The following TSGA10IP variants were observed in gnomAD, a reference collection of about 807,000 sequenced individuals.
TSGA10IP encodes testis specific 10 interacting protein, also known as testis-specific protein 10-interacting protein.
In TSGA10IP, 64 loss-of-function variants were observed where a neutral mutation model predicts 63.2. The ratio of observed to expected loss-of-function variants is 1.01; its 90% CI spans 0.83 to 1.25. TSGA10IP has a LOEUF of 1.25. TSGA10IP is among the 50% of genes most tolerant of loss of function. The probability of loss-of-function intolerance (pLI) is 0.00; values close to 1 mark genes in which losing one functional copy is unlikely to be tolerated. For missense variants in TSGA10IP, 681 were observed against 710.1 expected, an observed-to-expected ratio of 0.96 and a Z score of 0.47; for synonymous variants, 316 against 298.3, an observed-to-expected ratio of 1.06 and a Z score of -0.61.
intron 6 of TSGA10IP, 74 bp downstream of exon 6, chr11:65,959,056 G>T: frequency 6.3e-7 from 1 of 1,578,200 alleles, no homozygotes; most frequent in Non-Finnish European, 8.6e-7. Context: ...GAAGCAGGAT[G>T]CGAGTAGGTC....
At chr11:65,947,307 G>C in exon 3 of TSGA10IP, 2 of 1,612,356 alleles carry the variant, frequency 1.2e-6, no homozygotes, top group Non-Finnish European at 1.7e-6. Flanking sequence ...CATGGCTGCT[G>C]CTGGAAGACA....
chr11:65,958,057 G>A (rs898758973), intron 5 of TSGA10IP, among the ~76,000 whole-genome samples: 8 of 152,176 alleles, frequency 5.3e-5, no homozygotes, highest in Admixed American at 3.3e-4. Flanking sequence ...AGGCTCAAGC[G>A]ATCCTCCCAC....
exon 3 of TSGA10IP, chr11:65,947,376 C>T: frequency 6.2e-7 from 1 of 1,612,522 alleles, no homozygotes; most frequent in East Asian, 2.2e-5. Context: ...GTCTCCATCC[C>T]TACTGGCAAA....
At chr11:65,953,015 CT>C (rs1854965458) in intron 4 of TSGA10IP, among the ~76,000 whole-genome samples, 1 of 147,084 alleles carries the variant, frequency 6.8e-6, no homozygotes, top group African/African-American at 2.5e-5. Flanking sequence ...CCCTTCATTT[CT>C]TTTTTCTTTC....
intron 4 of TSGA10IP, among the ~76,000 whole-genome samples, chr11:65,952,221 T>C (rs1161042059): frequency 6.6e-6 from 1 of 152,212 alleles, no homozygotes; most frequent in African/African-American, 2.4e-5. Context: ...TTTTGGATAT[T>C]AACCCCTTTT....
chr11:65,951,397 G>A (rs1172902966), intron 4 of TSGA10IP, among the ~76,000 whole-genome samples: 3 of 151,886 alleles, frequency 2.0e-5, no homozygotes, highest in Admixed American at 6.6e-5. Flanking sequence ...CATTCTAACA[G>A]GCGTGAGGTG....
In TSGA10IP at chr11:65,947,340, G is replaced by A. The variant is rs1422666296; in HGVS notation, c.515G>A (p.Arg172Lys). 1.9e-6 allele frequency: 3 copies of A among 1,612,028 alleles called. No homozygotes were observed. The East Asian group carries it at 6.7e-5, about 36-fold the overall frequency. The stretch of plus-strand genomic sequence containing the variant: ...ACAGAGGCGCAAAACCTGAAGGCGA[G>A]ACAGCAGCTGGGAGCCTGGGGCGGT... Residue 172 changes from arginine to lysine, a missense_variant, in exon 3 of 8, where the codon AGA becomes AAA. By Grantham distance (26) the Arg-to-Lys change is conservative (BLOSUM62 2). Transcript: ENST00000532620.
At chr11:65,953,576 G>A (rs1199271580) in exon 5 of TSGA10IP, 1 of 1,586,352 alleles carries the variant, frequency 6.3e-7, no homozygotes, top group Admixed American at 1.8e-5. Context: ...GGAGCCTGCT[G>A]CAGGCCTGGG....
intron 1 of TSGA10IP, 79 bp from the exon 2 acceptor site, chr11:65,946,801 A>T: frequency 6.6e-7 from 1 of 1,506,578 alleles, no homozygotes; most frequent in Non-Finnish European, 9.0e-7. Context: ...AGGTGCACAG[A>T]GGGAGCACCC....
chr11:65,949,159 A>T (rs888218391), intron 4 of TSGA10IP, among the ~76,000 whole-genome samples: 1 of 152,126 alleles, frequency 6.6e-6, no homozygotes, highest in Non-Finnish European at 1.5e-5. Flanking sequence ...AGCCATGATG[A>T]CATCACTGAA....
At chr11:65,948,207 C>T in intron 4 of TSGA10IP, 59 bp downstream of exon 4, 16 of 1,527,098 alleles carry the variant, frequency 1.0e-5, no homozygotes, top group Non-Finnish European at 1.4e-5. Flanking sequence ...GGAGCCACTT[C>T]TCCAAGAGAT....
At position 65,947,155 on chromosome 11, in the gene TSGA10IP, G is replaced by A. The variant is rs1292786553; in HGVS notation, c.330G>A (p.Trp110Ter). 12 of 1,611,360 alleles carry A rather than the reference G, an allele frequency of 7.4e-6. No individual in the cohort carries two copies. The highest frequency in any genetic ancestry group is 1.0e-5 in the Non-Finnish European group (12 of 1,178,852). Reference sequence around the variant, plus strand: ...GGAAACCCTCCTTCCCCTTCCAGTGGGCCTGGGAGAGCATCGCCACAGATG... The same window carrying A: ...GGAAACCCTCCTTCCCCTTCCAGTGAGCCTGGGAGAGCATCGCCACAGATG... Residue 110 changes from tryptophan to a stop codon, truncating the protein, a stop_gained, in exon 3 of 8, where the codon TGG (tryptophan) becomes TGA (stop). Transcript: ENST00000532620. LOFTEE classifies it high-confidence loss of function.
chr11:65,953,279 C>T (rs1403693467), intron 4 of TSGA10IP, among the ~76,000 whole-genome samples: 1 of 152,070 alleles, frequency 6.6e-6, no homozygotes, highest in African/African-American at 2.4e-5. Flanking sequence ...GATCCGCCTG[C>T]CTCCACCTCC....
At chr11:65,946,421 TC>T (rs1854835310) in intron 1 of TSGA10IP, among the ~76,000 whole-genome samples, 1 of 151,260 alleles carries the variant, frequency 6.6e-6, no homozygotes, top group African/African-American at 2.5e-5. Flanking sequence ...TGGTGCTCGG[TC>T]GGGTTTTTTT....
At chr11:65,958,531 A>G (rs752468915) in intron 5 of TSGA10IP, among the ~76,000 whole-genome samples, 1 of 152,116 alleles carries the variant, frequency 6.6e-6, no homozygotes, top group Non-Finnish European at 1.5e-5. Context: ...GGGGAGGGGA[A>G]GCTATGTAAG....
At chr11:65,953,611 A>G in exon 5 of TSGA10IP, 3 of 1,586,436 alleles carry the variant, frequency 1.9e-6, no homozygotes, top group Non-Finnish European at 2.6e-6. Context: ...GAGGAGCGGC[A>G]GCAGGCCGAG....
intron 5 of TSGA10IP, among the ~76,000 whole-genome samples, chr11:65,957,304 C>T (rs1242076408): frequency 6.6e-6 from 1 of 152,200 alleles, no homozygotes; most frequent in Non-Finnish European, 1.5e-5. Context: ...GCGCACGCCA[C>T]CACTCCCAGC....
At chr11:65,950,217 C>T (rs1050827596) in intron 4 of TSGA10IP, among the ~76,000 whole-genome samples, 1 of 151,666 alleles carries the variant, frequency 6.6e-6, no homozygotes, top group African/African-American at 2.4e-5. Context: ...TTTAAGTATA[C>T]AATACATTGC....
Position 65,959,323 on chromosome 11 carries a change from C to A in TSGA10IP, c.1547+9C>A. The A allele has an allele frequency of 6.2e-7, 1 of 1,610,560 alleles. No homozygotes were observed. The stretch of plus-strand genomic sequence containing the variant: ...ACCCCCAGGAAACCCAGGTGAGTCT[C>A]CCCGTCAGGTCAAGAACTGACTCTG... On this transcript the variant is annotated intron_variant, in intron 7 of 7. Transcript: ENST00000532620.
Sources: gnomAD v4.1 joint callset for allele counts (sites outside exome capture counted in the v4.1 genomes callset) on GRCh38, gnomAD v4.1.1 for gene constraint, MANE v1.5 for transcripts, NCBI Gene and HGNC (gene_info 2026-07-23, HGNC 2026-07-21) for gene names.